The following ELMO1 variants were observed in gnomAD, a reference collection of about 807,000 sequenced individuals.
ELMO1 encodes the protein engulfment and cell motility protein 1.
In ELMO1, 26 loss-of-function variants were observed where a neutral mutation model predicts 98.9. The ratio of observed to expected loss-of-function variants is 0.26; its 90% CI spans 0.19 to 0.36. ELMO1 has a LOEUF of 0.36. ELMO1 is among the 10% of genes least tolerant of loss of function. ELMO1 has a pLI of 1.00. For missense variants in ELMO1, 627 were observed against 935.2 expected (o/e 0.67, Z 4.30); for synonymous variants, 346 against 346.0 (o/e 1.00, Z 0.00).
chr7:37,308,863 C>T (rs1349943887), intron 4 of ELMO1, among the ~76,000 whole-genome samples: 2 of 152,140 alleles, frequency 1.3e-5, no homozygotes, highest in Non-Finnish European at 2.9e-5. Flanking sequence ...ACGCAACATC[C>T]ATAGCAGAAA....
At chr7:36,947,026 T>C (rs1316922487) in intron 16 of ELMO1, among the ~76,000 whole-genome samples, 1 of 152,252 alleles carries the variant, frequency 6.6e-6, no homozygotes, top group Non-Finnish European at 1.5e-5. Flanking sequence ...GCTACATGGA[T>C]ATACTGCACA....
chr7:36,880,269 T>A (rs1462641098), intron 18 of ELMO1, among the ~76,000 whole-genome samples: 2 of 152,166 alleles, frequency 1.3e-5, no homozygotes, highest in African/African-American at 4.8e-5. Context: ...TTTATAGGAA[T>A]CCCTTGCTTC....
At chr7:37,083,515 C>G (rs541206331) in intron 15 of ELMO1, among the ~76,000 whole-genome samples, 1 of 152,228 alleles carries the variant, frequency 6.6e-6, no homozygotes, top group South Asian at 2.1e-4. Context: ...TTATAAAGCT[C>G]AAAATAGCTT....
intron 14 of ELMO1, among the ~76,000 whole-genome samples, chr7:37,118,807 A>G (rs545075208): frequency 6.6e-6 from 1 of 152,264 alleles, no homozygotes; most frequent in East Asian, 1.9e-4. Flanking sequence ...TTGGGGAGGG[A>G]GTGTAAGCCC....
intron 15 of ELMO1, among the ~76,000 whole-genome samples, chr7:37,065,846 T>C (rs1796931564): frequency 6.6e-6 from 1 of 152,222 alleles, no homozygotes; most frequent in African/African-American, 2.4e-5. Flanking sequence ...TGAAAAGTTA[T>C]GTCTGTGACT....
intron 21 of ELMO1, among the ~76,000 whole-genome samples, chr7:36,860,984 C>A (rs1442297093): frequency 6.6e-6 from 1 of 152,032 alleles, no homozygotes; most frequent in East Asian, 1.9e-4. Context: ...TGCAACCACA[C>A]GCAAAACAAA....
At chr7:37,392,522 A>G (rs926408167) in intron 1 of ELMO1, among the ~76,000 whole-genome samples, 1 of 152,172 alleles carries the variant, frequency 6.6e-6, no homozygotes, top group Non-Finnish European at 1.5e-5. Flanking sequence ...ATGAAATCTG[A>G]GCAAATTGGC....
In ELMO1 at chr7:36,877,622, G is replaced by A. The variant is rs182563572; in HGVS notation, c.1822+388C>T. Among the ~76,000 whole-genome samples the A allele has an allele frequency of 2.3e-3, 357 of 152,304 alleles. 1 individual carries two copies. The highest frequency in any genetic ancestry group is 0.014 in the Middle Eastern group (4 of 294). ...ATACACTAAATTGTAAGGAATAAAT[G>A]TTGTAGGGGTCAGGCATATAAGTTA... On this transcript the variant is annotated intron_variant, in intron 19 of 21. Transcript: ENST00000310758.
At chr7:37,128,335 C>T (rs1014707547) in intron 14 of ELMO1, among the ~76,000 whole-genome samples, 1 of 152,204 alleles carries the variant, frequency 6.6e-6, no homozygotes, top group African/African-American at 2.4e-5. Flanking sequence ...ACCCTCCCTC[C>T]ACTTGTCTCC....
chr7:37,007,843 G>A (rs1478127252), intron 16 of ELMO1, among the ~76,000 whole-genome samples: 3 of 151,960 alleles, frequency 2.0e-5, no homozygotes, highest in South Asian at 2.1e-4. Context: ...CTGCTCTCCC[G>A]TTCTTCCTAA....
At chr7:37,277,470 C>G (rs1356813636) in intron 4 of ELMO1, among the ~76,000 whole-genome samples, 1 of 152,182 alleles carries the variant, frequency 6.6e-6, no homozygotes, top group Non-Finnish European at 1.5e-5. Flanking sequence ...TCGCTTAGAG[C>G]TGGAGATGCA....
At chr7:37,115,030 A>G (rs1785492504) in intron 14 of ELMO1, among the ~76,000 whole-genome samples, 1 of 152,188 alleles carries the variant, frequency 6.6e-6, no homozygotes, top group Admixed American at 6.5e-5. Context: ...GAAAGACACA[A>G]TCTACAAGAA....
At chr7:37,437,580 A>G (rs55680212) in intron 1 of ELMO1, among the ~76,000 whole-genome samples, 6,017 of 152,338 alleles carry the variant, frequency 0.039, 379 homozygotes, top group African/African-American at 0.14. Flanking sequence ...TACCTAAGGA[A>G]TGATCAAATC....
At chr7:37,247,895 ATGTGTG>A (rs58502667) in intron 6 of ELMO1, among the ~76,000 whole-genome samples, 21 of 146,644 alleles carry the variant, frequency 1.4e-4, no homozygotes, top group East Asian at 4.1e-4. Flanking sequence ...TTGAAATAAA[ATGTGTG>A]TGTGTGTGTG....
intron 7 of ELMO1, among the ~76,000 whole-genome samples, chr7:37,236,624 A>G (rs750054597): frequency 3.9e-5 from 6 of 152,346 alleles, no homozygotes; most frequent in Middle Eastern, 3.4e-3. Flanking sequence ...TTACACACAT[A>G]TTCTGTATAT....
intron 1 of ELMO1, among the ~76,000 whole-genome samples, chr7:37,377,239 C>T (rs1802388342): frequency 6.6e-6 from 1 of 152,092 alleles, no homozygotes; most frequent in African/African-American, 2.4e-5. Context: ...CACCACTGAA[C>T]CCCCAAAAAT....
chr7:37,331,240 G>A (rs1800088772), intron 2 of ELMO1, among the ~76,000 whole-genome samples: 2 of 151,224 alleles, frequency 1.3e-5, no homozygotes, highest in Non-Finnish European at 2.9e-5. Flanking sequence ...TGCAATCTCG[G>A]CTCACTGCAA....
intron 2 of ELMO1, among the ~76,000 whole-genome samples, chr7:37,326,347 G>C (rs902872075): frequency 6.6e-6 from 1 of 152,124 alleles, no homozygotes; most frequent in African/African-American, 2.4e-5. Context: ...CTGAGGTCAG[G>C]AGTTCGAGAC....
intron 16 of ELMO1, among the ~76,000 whole-genome samples, chr7:36,898,824 G>A (rs117564219): frequency 3.3e-5 from 5 of 152,298 alleles, no homozygotes; most frequent in East Asian, 3.9e-4. Flanking sequence ...GCCCTGTGCC[G>A]GATGAGCTCT....
Sources: allele counts gnomAD v4.1 joint callset (sites outside exome capture counted in the v4.1 genomes callset), GRCh38; gene constraint gnomAD v4.1.1; transcripts MANE v1.5; gene names NCBI Gene and HGNC (gene_info 2026-07-23, HGNC 2026-07-21).